Variants in UTP6 observed in about 807,000 individuals in gnomAD.
UTP6 encodes U3 small nucleolar RNA-associated protein 6 homolog.
In UTP6, 60 loss-of-function variants were observed where a neutral mutation model predicts 96.5. The observed-to-expected ratio is 0.62, with a 90% CI of 0.51 to 0.77. The LOEUF (loss-of-function observed/expected upper bound fraction) is 0.77, where lower values mean the gene tolerates loss of function less well. Ranked by LOEUF, UTP6 falls within the 30% of genes least tolerant of loss-of-function variation. The probability of loss-of-function intolerance (pLI) is 0.00; values close to 1 mark genes in which losing one functional copy is unlikely to be tolerated. For synonymous variants in UTP6, 215 were observed against 240.1 expected (o/e 0.90, Z 0.96); for missense variants, 637 against 706.5 (o/e 0.90, Z 1.12).
At chr17:31,885,289 C>T (rs1268205222) in intron 9 of UTP6, among the ~76,000 whole-genome samples, 8 of 151,828 alleles carry the variant, frequency 5.3e-5, no homozygotes, top group Non-Finnish European at 8.8e-5. Flanking sequence ...GGATTACAGG[C>T]GCCCACCACC....
intron 2 of UTP6, 121 bp from the exon 3 acceptor site, chr17:31,895,132 T>C: frequency 1.4e-6 from 1 of 726,274 alleles, no homozygotes; most frequent in Non-Finnish European, 2.2e-6. Context: ...AATAATGTGC[T>C]ATCACATAAT....
chr17:31,872,414 T>G (rs1910225252), intron 16 of UTP6, among the ~76,000 whole-genome samples: 1 of 151,886 alleles, frequency 6.6e-6, no homozygotes, highest in African/African-American at 2.4e-5. Flanking sequence ...ACACTTATAA[T>G]CCTAGCACTT....
In UTP6 at chr17:31,863,521, T is replaced by A. The variant is rs78181996; in HGVS notation, c.1637-5A>T. On this transcript the variant is annotated splice_polypyrimidine_tract_variant and splice_region_variant and intron_variant, in intron 18 of 18. Transcript: ENST00000261708. ...TCATATAATCCATCCAAAGATCTTT[T>A]AAAAAAAAAACATACAATTAGATAA... 266 of 1,499,456 alleles carry A rather than the reference T, an allele frequency of 1.8e-4. No homozygotes were observed. Among genetic ancestry groups the A allele is most frequent in the South Asian group, 6.8e-4 (54 of 79,910 alleles). 92.9% of individuals were successfully genotyped at this position (1,499,456 alleles called of 1,614,324 possible).
At chr17:31,887,120 C>T (rs1415349052) in intron 8 of UTP6, 116 bp downstream of exon 8, 3 of 932,072 alleles carry the variant, frequency 3.2e-6, no homozygotes, top group African/African-American at 1.7e-5. Context: ...GAGACTCCGT[C>T]TCAAAAAAAA....
chr17:31,863,452 T>C lies in UTP6; in HGVS notation c.1701A>G (p.Gly567=). ...NHPLGRPENC[G]QIYWRAMKML... ...TTTTCATCGCTCGCCAGTAGATCTG[T>C]CCACAGTTCTCAGGTCTACCAAGGG... Residue 567 remains glycine (G), a synonymous_variant, in exon 19 of 19, where the codon GGA becomes GGG. Transcript: ENST00000261708. 6.2e-7 allele frequency: 1 copy of C among 1,614,142 alleles called. No homozygotes were observed. The highest frequency in any genetic ancestry group is 8.5e-7 in the Non-Finnish European group (1 of 1,180,006).
intron 18 of UTP6, 38 bp from the exon 19 acceptor site, chr17:31,863,554 A>G: frequency 6.5e-7 from 1 of 1,550,160 alleles, no homozygotes; most frequent in Non-Finnish European, 8.8e-7. Context: ...TAACTGACAG[A>G]GTGTTATTAG....
intron 13 of UTP6, 70 bp downstream of exon 13, chr17:31,878,180 T>C (rs1034160066): frequency 2.0e-6 from 3 of 1,504,110 alleles, no homozygotes; most frequent in Admixed American, 1.7e-5. Context: ...ATTTAAAACA[T>C]GACTCTGGCA....
chr17:31,883,804 G>A (rs537273447), intron 10 of UTP6, among the ~76,000 whole-genome samples: 23 of 151,660 alleles, frequency 1.5e-4, no homozygotes, highest in African/African-American at 5.1e-4. Context: ...AGCCTCCAGA[G>A]TAGGTAGGAC....
intron 6 of UTP6, among the ~76,000 whole-genome samples, chr17:31,890,010 T>C (rs1175801161): frequency 6.6e-6 from 1 of 152,086 alleles, no homozygotes; most frequent in Non-Finnish European, 1.5e-5. Context: ...GTAAGTCACA[T>C]ACAATTTTTT....
At position 31,899,625 on chromosome 17, in the gene UTP6, AATT is replaced by A. The variant is rs1051734188; in HGVS notation, c.177+18_177+20del. On this transcript the variant is annotated intron_variant, in intron 2 of 18. Transcript: ENST00000261708. ...AAAACAAAAAAGAAAAAAAGAAAGA[AATT>A]ATTAATTACACACTTACTTGAACAT... is the stretch of plus-strand genomic sequence containing the variant. The A allele has an allele frequency of 9.7e-6, 15 of 1,546,072 alleles. No homozygotes were observed. The highest frequency in any genetic ancestry group is 4.2e-5 in the African/African-American group (3 of 71,678).
chr17:31,882,877 A>G (rs1910925627), intron 10 of UTP6, among the ~76,000 whole-genome samples: 1 of 151,818 alleles, frequency 6.6e-6, no homozygotes, highest in African/African-American at 2.4e-5. Flanking sequence ...CCTCAACCTC[A>G]CAGGCTCAAG....
At position 31,862,000 on chromosome 17, in the gene UTP6, G is replaced by C. The variant is rs1374841753; in HGVS notation, c.*1359C>G. 1 of 152,166 alleles carries C rather than the reference G, an allele frequency of 6.6e-6. No individual in the cohort carries two copies. Among genetic ancestry groups the C allele is most frequent in the African/African-American group, 2.4e-5 (1 of 41,432 alleles). 9.4% of individuals were successfully genotyped at this position (152,166 alleles called of 1,614,324 possible). On this transcript the variant is annotated 3_prime_UTR_variant, in exon 19 of 19. Transcript: ENST00000261708. ...ATTTATCTAATTTTTAAAAAAATTA[G>C]AAATGACAGTCCAGGCCAGGCTTAG...
Position 31,865,449 on chromosome 17 carries a change from T to C in UTP6, c.1564-11A>G, listed in dbSNP as rs377012386. On this transcript the variant is annotated splice_polypyrimidine_tract_variant and intron_variant, in intron 17 of 18. Coordinates refer to ENST00000261708, the MANE Select transcript of UTP6 (RefSeq NM_018428.3). ...CATATTGCAGGATTCCTGACAAAGA[T>C]AGACAATCTTGTCTCAAAAGCCTGA... 26 of 1,613,168 alleles carry C rather than the reference T, an allele frequency of 1.6e-5. No individual in the cohort carries two copies. Among genetic ancestry groups the C allele is most frequent in the South Asian group, 4.4e-5 (4 of 91,070 alleles).
chr17:31,876,904 C>T (rs967884941), intron 13 of UTP6, among the ~76,000 whole-genome samples: 2 of 151,930 alleles, frequency 1.3e-5, no homozygotes, highest in African/African-American at 2.4e-5. Flanking sequence ...CCCAGCTACT[C>T]GGGAGGATGA....
At chr17:31,880,509 G>A (rs769727251) in intron 11 of UTP6, 64 bp downstream of exon 11, 1 of 1,602,978 alleles carries the variant, frequency 6.2e-7, no homozygotes, top group Non-Finnish European at 8.5e-7. Context: ...GGGAACAGGA[G>A]CTTAAGTTTC....
chr17:31,864,133 C>T (rs1909684475), intron 18 of UTP6, among the ~76,000 whole-genome samples: 1 of 152,082 alleles, frequency 6.6e-6, no homozygotes, highest in Admixed American at 6.5e-5. Context: ...ACCTGTAATC[C>T]CGGCACTTTG....
At chr17:31,878,211 A>C (rs1275033320) in intron 13 of UTP6, 39 bp downstream of exon 13, 14 of 1,599,664 alleles carry the variant, frequency 8.8e-6, no homozygotes, top group Middle Eastern at 1.7e-4. Context: ...GGAATAAGGT[A>C]TTTGTAACTG....
At chr17:31,892,347 A>G in intron 5 of UTP6, 24 bp from the exon 6 acceptor site, 2 of 1,599,980 alleles carry the variant, frequency 1.3e-6, no homozygotes, top group Non-Finnish European at 1.7e-6. Context: ...AAATATTTCT[A>G]CTTCCTGCAC....
chr17:31,892,674 C>T lies in UTP6; in HGVS notation c.360+73G>A. 4 of 1,588,992 alleles carry T rather than the reference C, an allele frequency of 2.5e-6. No homozygotes were observed. The South Asian group carries it at 4.5e-5, about 18-fold the overall frequency. On this transcript the variant is annotated intron_variant, in intron 5 of 18. Transcript: ENST00000261708. Reference sequence around the variant, plus strand: ...AACCCTACACTTCAGGAAAAAACATCTGGCATGAAGCTTAAAGGGCAGATT... The same window carrying T: ...AACCCTACACTTCAGGAAAAAACATTTGGCATGAAGCTTAAAGGGCAGATT...
Sources: allele counts gnomAD v4.1 joint callset (sites outside exome capture counted in the v4.1 genomes callset), GRCh38; gene constraint gnomAD v4.1.1; transcripts MANE v1.5; gene names NCBI Gene and HGNC (gene_info 2026-07-23, HGNC 2026-07-21).